The following MAP9 variants were observed in gnomAD, a reference collection of about 807,000 sequenced individuals.
MAP9 encodes the protein microtubule associated protein 9.
Under a neutral mutation model 75.2 loss-of-function variants are expected in MAP9, and 80 were observed. The ratio of observed to expected loss-of-function variants is 1.06; its 90% CI spans 0.89 to 1.28. The LOEUF is 1.28. Ranked by LOEUF, MAP9 falls within the 50% of genes most tolerant of loss-of-function variation. The probability of loss-of-function intolerance (pLI) is 0.00; values close to 1 mark genes in which losing one functional copy is unlikely to be tolerated. For synonymous variants in MAP9, 235 were observed against 237.3 expected, an observed-to-expected ratio of 0.99 and a Z score of 0.09; for missense variants, 753 against 719.9, an observed-to-expected ratio of 1.05 and a Z score of -0.53.
At chr4:155,358,693 T>G (rs1176265422) in intron 7 of MAP9, among the ~76,000 whole-genome samples, 1 of 152,002 alleles carries the variant, frequency 6.6e-6, no homozygotes, top group Non-Finnish European at 1.5e-5. Flanking sequence ...TTCTTAAGGT[T>G]ATAATAATAA....
At chr4:155,356,772 G>A (rs1056635862) in intron 8 of MAP9, among the ~76,000 whole-genome samples, 7 of 151,982 alleles carry the variant, frequency 4.6e-5, no homozygotes, top group Non-Finnish European at 1.0e-4. Context: ...AGACTGTATC[G>A]CCTACAAAGC....
chr4:155,350,198 A>T (rs570134770), intron 13 of MAP9: 1 of 439,298 alleles, frequency 2.3e-6, no homozygotes, highest in Admixed American at 2.6e-5. Flanking sequence ...ATGAAAACTG[A>T]AGTCATTAGA....
At chr4:155,351,282 A>G (rs1578831857) in intron 13 of MAP9, 1 of 151,968 alleles carries the variant, frequency 6.6e-6, no homozygotes, top group East Asian at 1.9e-4. Context: ...CATTTGGAAA[A>G]ACTAAAGTTG....
intron 8 of MAP9, 49 bp from the exon 9 acceptor site, chr4:155,355,933 T>C: frequency 6.7e-7 from 1 of 1,491,272 alleles, no homozygotes; most frequent in Non-Finnish European, 9.3e-7. Context: ...TTGCATTTGG[T>C]AGAAGAGAGA....
intron 5 of MAP9, among the ~76,000 whole-genome samples, chr4:155,363,691 CT>C (rs1732193614): frequency 6.6e-6 from 1 of 152,060 alleles, no homozygotes; most frequent in South Asian, 2.1e-4. Context: ...ACGACATACC[CT>C]TTTGCTGGGC....
At position 155,345,483 on chromosome 4, in the gene MAP9, C is replaced by T. The variant is rs979439958; in HGVS notation, c.*2300G>A. 1.3e-5 allele frequency: 2 copies of T among 151,666 alleles called. No homozygotes were observed. The highest frequency in any genetic ancestry group is 4.9e-5 in the African/African-American group (2 of 41,212). The allele number at this position is 151,666 out of a possible 1,614,324, so 9.4% of individuals were successfully genotyped here. A position where few individuals can be genotyped will look rare whatever the true frequency, so the allele number is the denominator to read the frequency against. ...TGTTTTGTTTTTTTGAGTGTTACAG[C>T]CTGGACTGGCCAGCAAGACAGAAAT... On this transcript the variant is annotated 3_prime_UTR_variant, in exon 14 of 14. Transcript: ENST00000311277.
chr4:155,360,433 A>G lies in MAP9; in HGVS notation c.803-18T>C. 6.3e-7 allele frequency: 1 copy of G among 1,597,664 alleles called. No individual in the cohort carries two copies. On this transcript the variant is annotated intron_variant, in intron 6 of 13. Coordinates refer to ENST00000311277, the MANE Select transcript of MAP9 (RefSeq NM_001039580.2). ...ATTTGGATCTATTTTGAGACAGAGTAATAGCATTAAAACCCCCTTCTGAAT... is the reference window on the plus strand; with the variant it reads ...ATTTGGATCTATTTTGAGACAGAGTGATAGCATTAAAACCCCCTTCTGAAT...
Position 155,368,438 on chromosome 4 carries a change from T to A in MAP9, c.708+148A>T, listed in dbSNP as rs532847452. The A allele has an allele frequency of 8.3e-5, 57 of 685,856 alleles. No homozygotes were observed. In the South Asian group the frequency reaches 1.0e-3, roughly 12 times the overall value. The allele number at this position is 685,856 out of a possible 1,614,324, so 42.5% of individuals were successfully genotyped here. ...GACTCGGTGGAATACAGTGTATTTT[T>A]AAAAATTATTTCCTTATCAGTTGCA... is the stretch of plus-strand genomic sequence containing the variant. On this transcript the variant is annotated intron_variant, in intron 5 of 13. Coordinates refer to ENST00000311277, the MANE Select transcript of MAP9 (RefSeq NM_001039580.2).
At chr4:155,367,479 AAG>A (rs1732383848) in intron 5 of MAP9, 1 of 152,244 alleles carries the variant, frequency 6.6e-6, no homozygotes, top group African/African-American at 2.4e-5. Flanking sequence ...CTCCAGAACT[AAG>A]AGAATACATT....
intron 5 of MAP9, among the ~76,000 whole-genome samples, chr4:155,366,238 A>G (rs1311852829): frequency 1.3e-5 from 2 of 152,038 alleles, no homozygotes; most frequent in South Asian, 2.1e-4. Context: ...GGGTGCCTGT[A>G]GTCCCAGCTA....
intron 4 of MAP9, 188 bp downstream of exon 4, chr4:155,372,948 T>C (rs1012722364): frequency 1.3e-5 from 6 of 448,572 alleles, no homozygotes; most frequent in South Asian, 8.2e-5. Flanking sequence ...GTCTGTAAAA[T>C]TGAAGTTAGA....
intron 1 of MAP9, 23 bp from the exon 2 acceptor site, chr4:155,375,937 G>C: frequency 1.2e-6 from 1 of 840,448 alleles, no homozygotes; most frequent in Middle Eastern, 3.5e-4. Flanking sequence ...AAACAAATCA[G>C]ACTTCGCATG....
intron 2 of MAP9, 96 bp downstream of exon 2, chr4:155,375,680 C>T: frequency 1.5e-6 from 1 of 672,324 alleles, no homozygotes; most frequent in Middle Eastern, 2.6e-4. Flanking sequence ...ATAAGATTTA[C>T]CCCTGCTTTA....
intron 13 of MAP9, 109 bp downstream of exon 13, chr4:155,352,487 C>A (rs1731555778): frequency 6.6e-6 from 7 of 1,060,084 alleles, no homozygotes; most frequent in Non-Finnish European, 9.5e-6. Flanking sequence ...AAGCAGATTC[C>A]AGGTAGAAAT....
intron 4 of MAP9, among the ~76,000 whole-genome samples, chr4:155,371,614 G>A (rs979625355): frequency 5.3e-5 from 8 of 151,618 alleles, no homozygotes; most frequent in East Asian, 1.9e-4. Context: ...TATATTACAC[G>A]TACTGAATAT....
intron 3 of MAP9, among the ~76,000 whole-genome samples, chr4:155,373,673 T>G (rs957465936): frequency 2.0e-5 from 3 of 152,206 alleles, no homozygotes; most frequent in Non-Finnish European, 4.4e-5. Context: ...TTTCATTAAT[T>G]TATTCAAAAT....
intron 1 of MAP9, 110 bp from the exon 2 acceptor site, chr4:155,376,024 G>A: frequency 2.3e-6 from 1 of 440,614 alleles, no homozygotes. Context: ...ATGAACATTG[G>A]GCTACATCTT....
chr4:155,355,461 T>C (rs1259223106), intron 9 of MAP9, among the ~76,000 whole-genome samples: 1 of 152,160 alleles, frequency 6.6e-6, no homozygotes, highest in Non-Finnish European at 1.5e-5. Context: ...CTTTACAATG[T>C]TTTGGCTTGT....
At chr4:155,360,081 A>T in intron 7 of MAP9, 87 bp downstream of exon 7, 1 of 1,214,234 alleles carries the variant, frequency 8.2e-7, no homozygotes, top group East Asian at 2.4e-5. Flanking sequence ...GGTAATTCAG[A>T]AGTATATAAC....
Sources: gnomAD v4.1 joint callset for allele counts (sites outside exome capture counted in the v4.1 genomes callset) on GRCh38, gnomAD v4.1.1 for gene constraint, MANE v1.5 for transcripts, NCBI Gene and HGNC (gene_info 2026-07-23, HGNC 2026-07-21) for gene names.